ESR1: variants seen among roughly 807,000 people sequenced by gnomAD.
ESR1 encodes the protein estrogen receptor.
In ESR1, 12 loss-of-function variants were observed where a neutral mutation model predicts 52.7. The observed-to-expected ratio is 0.23, with a 90% CI of 0.15 to 0.37. The LOEUF (loss-of-function observed/expected upper bound fraction) is 0.37. ESR1 is among the 10% of genes least tolerant of loss of function. The pLI is 1.00. For missense variants in ESR1, 584 were observed against 779.7 expected (o/e 0.75, Z 2.99); for synonymous variants, 305 against 316.8 (o/e 0.96, Z 0.39).
intron 6 of ESR1, among the ~76,000 whole-genome samples, chr6:152,117,873 C>T (rs999504310): frequency 4.6e-5 from 7 of 152,150 alleles, no homozygotes; most frequent in Non-Finnish European, 8.8e-5. Context: ...AAAAGTCCTT[C>T]GCTTTCAGTT....
chr6:151,956,843 A>AAATATAT (rs1554293624), intron 4 of ESR1, among the ~76,000 whole-genome samples: 5 of 44,474 alleles, frequency 1.1e-4, no homozygotes, highest in African/African-American at 3.7e-4. Context: ...AATATAAATA[A>AAATATAT]ATATATATAT....
At chr6:151,673,122 G>C (rs887798043) in intron 1 of ESR1, among the ~76,000 whole-genome samples, 3 of 151,972 alleles carry the variant, frequency 2.0e-5, no homozygotes, top group Non-Finnish European at 2.9e-5. Flanking sequence ...CACGGCGCCC[G>C]GCTTCATGAT....
intron 5 of ESR1, among the ~76,000 whole-genome samples, chr6:152,018,844 A>G (rs930772501): frequency 6.6e-6 from 1 of 151,868 alleles, no homozygotes; most frequent in Non-Finnish European, 1.5e-5. Context: ...AAAAGAAAAA[A>G]AAAAGGAAGC....
intron 2 of ESR1, among the ~76,000 whole-genome samples, chr6:151,766,841 C>T (rs1785095945): frequency 6.6e-6 from 1 of 152,188 alleles, no homozygotes; most frequent in Non-Finnish European, 1.5e-5. Context: ...TGTTTACTTA[C>T]ATTACCTTCT....
chr6:151,691,261 T>A (rs890675802), intron 1 of ESR1, among the ~76,000 whole-genome samples: 1 of 152,234 alleles, frequency 6.6e-6, no homozygotes, highest in Non-Finnish European at 1.5e-5. Context: ...TGAGTCCTGG[T>A]GTCCCATTTT....
intron 3 of ESR1, among the ~76,000 whole-genome samples, chr6:151,914,693 A>T (rs1335450921): frequency 2.0e-5 from 3 of 152,156 alleles, no homozygotes; most frequent in Non-Finnish European, 2.9e-5. Context: ...GGGTTGAGTC[A>T]TTGTTACCTC....
chr6:151,860,378 A>G (rs79886487), intron 2 of ESR1, among the ~76,000 whole-genome samples: 1 of 152,150 alleles, frequency 6.6e-6, no homozygotes, highest in South Asian at 2.1e-4. Flanking sequence ...TTCATGCTAC[A>G]TAACTGCAAC....
chr6:151,746,671 A>G (rs1268615571), intron 2 of ESR1, among the ~76,000 whole-genome samples: 2 of 152,232 alleles, frequency 1.3e-5, no homozygotes, highest in Non-Finnish European at 2.9e-5. Context: ...TTAGGGTGAC[A>G]ATATGAATTT....
chr6:152,025,197 T>A (rs2044037468), intron 5 of ESR1, among the ~76,000 whole-genome samples: 2 of 143,370 alleles, frequency 1.4e-5, no homozygotes, highest in Non-Finnish European at 3.0e-5. Context: ...TGTGTAGTCT[T>A]CATCACGCTT....
intron 2 of ESR1, among the ~76,000 whole-genome samples, chr6:151,873,167 A>G (rs1175590902): frequency 6.6e-6 from 1 of 152,218 alleles, no homozygotes; most frequent in Non-Finnish European, 1.5e-5. Flanking sequence ...GGCTTTCCAT[A>G]TATGGAGGTT....
chr6:152,111,261 C>A (rs1467589936), intron 6 of ESR1, among the ~76,000 whole-genome samples: 1 of 152,218 alleles, frequency 6.6e-6, no homozygotes, highest in African/African-American at 2.4e-5. Flanking sequence ...AAAACTGGAG[C>A]AAGGAAGCCT....
At chr6:151,886,269 T>C (rs553874540) in intron 3 of ESR1, among the ~76,000 whole-genome samples, 2 of 152,286 alleles carry the variant, frequency 1.3e-5, no homozygotes, top group African/African-American at 4.8e-5. Context: ...TTTCTTACCA[T>C]AGATTCAGAG....
At position 151,948,854 on chromosome 6, in the gene ESR1, C is replaced by T. The variant is rs543761610; in HGVS notation, c.1096+4346C>T. On this transcript the variant is annotated intron_variant, in intron 4 of 7. Coordinates refer to ENST00000206249, the MANE Select transcript of ESR1 (RefSeq NM_000125.4). The stretch of plus-strand genomic sequence containing the variant: ...CAAGGCCTCTTCTGTGTCTGTATTC[C>T]CCAGGAATCCAGGAATTCACTTCTC... 2.0e-5 allele frequency among the ~76,000 whole-genome samples: 3 copies of T among 152,246 alleles called. No homozygotes were observed. The East Asian group carries it at 5.8e-4, about 29-fold the overall frequency.
chr6:152,054,465 C>T (rs1175533158), intron 5 of ESR1, among the ~76,000 whole-genome samples: 10 of 151,892 alleles, frequency 6.6e-5, no homozygotes, highest in Non-Finnish European at 1.5e-5. Context: ...GTCTTCTCTC[C>T]CCCTCCTCCT....
intron 2 of ESR1, among the ~76,000 whole-genome samples, chr6:151,773,416 C>T (rs936082326): frequency 3.9e-5 from 6 of 152,212 alleles, no homozygotes; most frequent in Non-Finnish European, 7.3e-5. Flanking sequence ...GTGCTTTGTT[C>T]CAGCAACCTT....
chr6:151,789,311 A>AT (rs2128130049), intron 2 of ESR1, among the ~76,000 whole-genome samples: 1 of 152,334 alleles, frequency 6.6e-6, no homozygotes, highest in East Asian at 1.9e-4. Flanking sequence ...TTCTCTTTAC[A>AT]TTTTCAAACC....
At position 151,944,388 on chromosome 6, in the gene ESR1, A is replaced by G. The variant is rs779789240; in HGVS notation, c.976A>G (p.Ile326Val). Reference protein sequence around the residue: ...VSALLDAEPPILYSEYDPTRP... With the variant: ...VSALLDAEPPVLYSEYDPTRP... ...TGCCTTGTTGGATGCTGAGCCCCCG[A>G]TACTCTATTCCGAGTATGATCCTAC... The change falls in exon 4 of 8, where the codon ATA (isoleucine) becomes GTA (valine). Residue 326 changes from isoleucine to valine, a missense_variant. Around this residue, in one of 6 missense-constraint regions of ESR1, gnomAD observed 141 missense variants for 289.3 expected, o/e 0.49. Coordinates refer to ENST00000206249, the MANE Select transcript of ESR1 (RefSeq NM_000125.4). The G allele has an allele frequency of 1.2e-5, 19 of 1,613,878 alleles. No individual in the cohort carries two copies. The African/African-American group carries it at 2.3e-4, about 19-fold the overall frequency.
intron 1 of ESR1, among the ~76,000 whole-genome samples, chr6:151,695,755 T>C (rs537147794): frequency 9.0e-4 from 137 of 152,330 alleles, no homozygotes; most frequent in African/African-American, 3.1e-3. Flanking sequence ...TAATTATTTA[T>C]TAGAAGCAAT....
At chr6:151,721,780 G>T (rs1781479396) in intron 2 of ESR1, among the ~76,000 whole-genome samples, 1 of 152,202 alleles carries the variant, frequency 6.6e-6, no homozygotes, top group African/African-American at 2.4e-5. Flanking sequence ...TTACAGTTGT[G>T]ACCATGGGCT....
Sources: gnomAD v4.1 joint callset for allele counts (sites outside exome capture counted in the v4.1 genomes callset) on GRCh38, gnomAD v4.1.1 for gene constraint, gnomAD v4.1.1 regional missense constraint, MANE v1.5 for transcripts, NCBI Gene and HGNC (gene_info 2026-07-23, HGNC 2026-07-21) for gene names.